The following SMCHD1 variants were observed in gnomAD, a reference collection of about 807,000 sequenced individuals.
SMCHD1 encodes the protein structural maintenance of chromosomes flexible hinge domain containing 1.
Under a neutral mutation model 254.7 loss-of-function variants are expected in SMCHD1, and 78 were observed. The observed-to-expected ratio is 0.31, with a 90% CI of 0.26 to 0.37. SMCHD1 has a LOEUF of 0.37. Among genes scored for constraint, SMCHD1 ranks in the 10% least tolerant of loss-of-function variants. The pLI is 1.00. For missense variants in SMCHD1, 1,840 were observed against 2,408.1 expected (o/e 0.76, Z 4.94); for synonymous variants, 766 against 794.9 (o/e 0.96, Z 0.61).
chr18:2,791,344 C>T (rs746272333), intron 45 of SMCHD1, among the ~76,000 whole-genome samples: 2 of 152,204 alleles, frequency 1.3e-5, no homozygotes, highest in Non-Finnish European at 2.9e-5. Context: ...AATCCCAGCA[C>T]TTTGGGAGAC....
rs1568314840 is a variant in SMCHD1 at position 2,754,385 on chromosome 18, G to GGTGAAATGAT, written c.4346+1833_4346+1834insGTGAAATGAT. Among the ~76,000 whole-genome samples, 14 of 152,184 alleles carry GGTGAAATGAT rather than the reference G, an allele frequency of 9.2e-5. No individual in the cohort carries two copies. In the East Asian group the frequency reaches 2.7e-3, roughly 29 times the overall value. On this transcript the variant is annotated intron_variant, in intron 34 of 47. Coordinates refer to ENST00000320876, the MANE Select transcript of SMCHD1 (RefSeq NM_015295.3). ...AACAAAAGGATTCAAAGTGAAATGA[G>GGTGAAATGAT]CAAGGTAAAAAGCTCATGGGGTGAT...
chr18:2,732,490 A>T lies in SMCHD1; in HGVS notation c.3274A>T (p.Lys1092Ter). ...AACATCAGCTTTAGCAGAAAAAATT[A>T]AAGTAAGTATCTCTAACAGATTGGT... ...NITSALAEKI[K>*]VNWTPEINKE... The change falls in exon 25 of 48, where the codon AAA becomes TAA. Residue 1092 changes from lysine to a stop codon, truncating the protein, a stop_gained and splice_region_variant. Coordinates refer to ENST00000320876, the MANE Select transcript of SMCHD1 (RefSeq NM_015295.3). LOFTEE classifies it high-confidence loss of function. The T allele has an allele frequency of 6.4e-7, 1 of 1,569,286 alleles. No homozygotes were observed. Among genetic ancestry groups the T allele is most frequent in the Non-Finnish European group, 8.7e-7 (1 of 1,147,212 alleles).
intron 22 of SMCHD1, among the ~76,000 whole-genome samples, chr18:2,727,958 T>A (rs1005064211): frequency 3.2e-4 from 49 of 152,082 alleles, no homozygotes; most frequent in African/African-American, 1.2e-3. Flanking sequence ...TTCTTAATCT[T>A]AAAGGAAATT....
At chr18:2,683,718 A>T (rs2073980167) in intron 5 of SMCHD1, among the ~76,000 whole-genome samples, 1 of 152,092 alleles carries the variant, frequency 6.6e-6, no homozygotes, top group Admixed American at 6.5e-5. Context: ...GTCTCCAAGG[A>T]TTGTTATGCC....
chr18:2,750,423 A>T lies in SMCHD1; in HGVS notation c.4081A>T (p.Ile1361Phe). 1 of 1,612,440 alleles carries T rather than the reference A, an allele frequency of 6.2e-7. No homozygotes were observed. Among genetic ancestry groups the T allele is most frequent in the Non-Finnish European group, 8.5e-7 (1 of 1,178,988 alleles). ...AGAAGGACCTATAATTAAGTTAATG[A>T]TTCTTCCAGACCCAGAAAAACCCGT... ...IIEGPIIKLMILPDPEKPVRL... is the reference protein window; with the variant it reads ...IIEGPIIKLMFLPDPEKPVRL... Residue 1361 changes from isoleucine to phenylalanine, a missense_variant, in exon 32 of 48, where the codon ATT (isoleucine) becomes TTT (phenylalanine). Coordinates refer to ENST00000320876, the MANE Select transcript of SMCHD1 (RefSeq NM_015295.3).
intron 45 of SMCHD1, among the ~76,000 whole-genome samples, chr18:2,795,039 GT>G (rs201312816): frequency 2.0e-5 from 3 of 148,466 alleles, no homozygotes; most frequent in Non-Finnish European, 4.5e-5. Context: ...AAAATTCTGG[GT>G]TTTTTTTTTG....
intron 5 of SMCHD1, among the ~76,000 whole-genome samples, chr18:2,676,679 C>G (rs1337824329): frequency 1.3e-5 from 2 of 152,118 alleles, no homozygotes; most frequent in Non-Finnish European, 2.9e-5. Flanking sequence ...ACGTTTCAAG[C>G]CAATAGACAA....
At chr18:2,673,577 C>T (rs1367361177) in intron 4 of SMCHD1, among the ~76,000 whole-genome samples, 1 of 147,758 alleles carries the variant, frequency 6.8e-6, no homozygotes, top group African/African-American at 2.7e-5. Context: ...TTCTACTTTC[C>T]CTTAACAGTA....
chr18:2,776,606 T>A (rs537808343), intron 42 of SMCHD1, among the ~76,000 whole-genome samples: 20 of 152,300 alleles, frequency 1.3e-4, no homozygotes, highest in African/African-American at 4.6e-4. Flanking sequence ...TAAAAATGTA[T>A]AGCAGAGTAT....
At chr18:2,740,386 C>G (rs1031911878) in intron 27 of SMCHD1, among the ~76,000 whole-genome samples, 1 of 151,894 alleles carries the variant, frequency 6.6e-6, no homozygotes, top group Non-Finnish European at 1.5e-5. Flanking sequence ...GTATAACATA[C>G]ATGTATGAAT....
At chr18:2,703,280 GTACT>G (rs2074444230) in intron 12 of SMCHD1, among the ~76,000 whole-genome samples, 1 of 152,018 alleles carries the variant, frequency 6.6e-6, no homozygotes, top group African/African-American at 2.4e-5. Context: ...CGTTTATAAA[GTACT>G]TGATACACAA....
chr18:2,783,953 T>C (rs1259928405), intron 44 of SMCHD1, among the ~76,000 whole-genome samples: 1 of 152,196 alleles, frequency 6.6e-6, no homozygotes, highest in Non-Finnish European at 1.5e-5. Flanking sequence ...TTCCCCTAAC[T>C]CTCAAATTAT....
intron 12 of SMCHD1, among the ~76,000 whole-genome samples, chr18:2,702,664 A>G (rs541350547): frequency 1.2e-3 from 176 of 152,300 alleles, no homozygotes; most frequent in Non-Finnish European, 2.0e-3. Flanking sequence ...TGTATACCAT[A>G]TTGGACCTGT....
At position 2,674,138 on chromosome 18, in the gene SMCHD1, T is replaced by A; in HGVS notation, c.631T>A (p.Phe211Ile). 1 of 1,583,896 alleles carries A rather than the reference T, an allele frequency of 6.3e-7. No homozygotes were observed. The change falls in exon 5 of 48, where the codon TTT becomes ATT. Residue 211 changes from phenylalanine to isoleucine, a missense_variant. By Grantham distance (21) the Phe-to-Ile change is conservative (BLOSUM62 0). This residue lies in a region of SMCHD1 where 498 missense variants were observed against 743.5 expected (regional missense o/e 0.67). Coordinates refer to ENST00000320876, the MANE Select transcript of SMCHD1 (RefSeq NM_015295.3). Reference sequence around the variant, plus strand: ...GTCAAAATTCACAAGGCAAGGTGACTTTGAAAGGTTAGAAAACCTTACTTT... The same window carrying A: ...GTCAAAATTCACAAGGCAAGGTGACATTGAAAGGTTAGAAAACCTTACTTT... ...RLSKFTRQGD[F>I]ESDHSGYVRP...
chr18:2,794,291 C>T (rs1319846843), intron 45 of SMCHD1, among the ~76,000 whole-genome samples: 2 of 152,138 alleles, frequency 1.3e-5, no homozygotes, highest in African/African-American at 2.4e-5. Flanking sequence ...TCACCTTGGC[C>T]TCCCAAAGGT....
chr18:2,721,735 A>C (rs1192578376), intron 19 of SMCHD1, among the ~76,000 whole-genome samples: 1 of 152,194 alleles, frequency 6.6e-6, no homozygotes, highest in East Asian at 1.9e-4. Flanking sequence ...GTTGGTGGTG[A>C]AACTGCTTCT....
At chr18:2,762,488 CTACCT>C (rs1396201173) in intron 36 of SMCHD1, among the ~76,000 whole-genome samples, 1 of 138,388 alleles carries the variant, frequency 7.2e-6, no homozygotes, top group African/African-American at 2.6e-5. Context: ...CTCAATCTGC[CTACCT>C]TTTTTTTTTT....
At chr18:2,673,529 A>G (rs2073668021) in intron 4 of SMCHD1, among the ~76,000 whole-genome samples, 166 bp downstream of exon 4, 1 of 152,186 alleles carries the variant, frequency 6.6e-6, no homozygotes, top group Admixed American at 6.5e-5. Flanking sequence ...CTATGCATAT[A>G]TGTATACATG....
At chr18:2,715,702 A>T (rs1461645140) in intron 17 of SMCHD1, among the ~76,000 whole-genome samples, 1 of 151,976 alleles carries the variant, frequency 6.6e-6, no homozygotes, top group African/African-American at 2.4e-5. Context: ...ATTTTTTTTT[A>T]ATTTAAGAAG....
Sources: allele counts gnomAD v4.1 joint callset (sites outside exome capture counted in the v4.1 genomes callset), GRCh38; gene constraint gnomAD v4.1.1; regional missense constraint gnomAD v4.1.1; transcripts MANE v1.5; gene names NCBI Gene and HGNC (gene_info 2026-07-23, HGNC 2026-07-21).